PRSS35: variants seen among roughly 807,000 people sequenced by gnomAD.
The protein encoded by PRSS35 is inactive serine protease 35.
Under a neutral mutation model 8.1 loss-of-function variants are expected in PRSS35, and 7 were observed. The ratio of observed to expected loss-of-function variants is 0.86; its 90% CI spans 0.49 to 1.62. PRSS35 has a LOEUF of 1.62. Ranked by LOEUF, PRSS35 falls within the 40% of genes most tolerant of loss-of-function variation. The pLI, the probability that PRSS35 is intolerant of heterozygous loss-of-function variation, is 0.00. For missense variants in PRSS35, 566 were observed against 518.0 expected, an observed-to-expected ratio of 1.09 and a Z score of -0.90; for synonymous variants, 199 against 188.7, an observed-to-expected ratio of 1.05 and a Z score of -0.45.
At position 83,524,681 on chromosome 6, in the gene PRSS35, TAACA is replaced by T; in HGVS notation, c.1241_*2del. ...GAACGATGCCAATTGTGCTTACGGC[TAACA>T]GAGACCTGAAACAGGGCGGTGTATC... On this transcript the variant is annotated stop_retained_variant and 3_prime_UTR_variant, in exon 2 of 2. Transcript: ENST00000369700. 1 of 1,600,514 alleles carries T rather than the reference TAACA, an allele frequency of 6.2e-7. No individual in the cohort carries two copies. The highest frequency in any genetic ancestry group is 8.5e-7 in the Non-Finnish European group (1 of 1,173,796).
At chr6:83,520,086 A>G (rs1197756860) in intron 1 of PRSS35, among the ~76,000 whole-genome samples, 1 of 152,240 alleles carries the variant, frequency 6.6e-6, no homozygotes, top group African/African-American at 2.4e-5. Context: ...AATTAAAAAT[A>G]AAAATAAAAG....
Position 83,525,288 on chromosome 6 carries a change from CTG to C in PRSS35, c.*607_*608del, listed in dbSNP as rs1771918268. ...CAAGCATTATAAACAAAACTAATAA[CTG>C]TTTTACTGCTTTAAGAAATAACAAT... On this transcript the variant is annotated 3_prime_UTR_variant, in exon 2 of 2. Coordinates refer to ENST00000369700, the MANE Select transcript of PRSS35 (RefSeq NM_153362.3). 2 of 166,862 alleles carry C rather than the reference CTG, an allele frequency of 1.2e-5. No individual in the cohort carries two copies. Among genetic ancestry groups the C allele is most frequent in the Non-Finnish European group, 2.9e-5 (2 of 68,112 alleles). 10.3% of individuals were successfully genotyped at this position (166,862 alleles called of 1,614,324 possible). A position where few individuals can be genotyped will look rare whatever the true frequency, so the allele number is the denominator to read the frequency against.
intron 1 of PRSS35, among the ~76,000 whole-genome samples, 179 bp downstream of exon 1, chr6:83,512,873 G>C (rs1020719499): frequency 6.6e-6 from 1 of 152,182 alleles, no homozygotes; most frequent in Admixed American, 6.5e-5. Flanking sequence ...CTGTGTGCCG[G>C]CCTCTGCACA....
In PRSS35 at chr6:83,524,886, A is replaced by G. The variant is rs1771910340; in HGVS notation, c.*203A>G. 1 of 575,100 alleles carries G rather than the reference A, an allele frequency of 1.7e-6. No homozygotes were observed. Among genetic ancestry groups the G allele is most frequent in the African/African-American group, 1.9e-5 (1 of 52,950 alleles). The allele number at this position is 575,100 out of a possible 1,614,324, so 35.6% of individuals were successfully genotyped here. A position where few individuals can be genotyped will look rare whatever the true frequency, so the allele number is the denominator to read the frequency against. ...AAACTAGGTGGGCACTTCAATGCCA[A>G]GTATATACTCTTCTTTACATGGTGA... On this transcript the variant is annotated 3_prime_UTR_variant, in exon 2 of 2. Coordinates refer to ENST00000369700, the MANE Select transcript of PRSS35 (RefSeq NM_153362.3).
Position 83,524,578 on chromosome 6 carries a change from C to T in PRSS35, c.1137C>T (p.His379=), listed in dbSNP as rs758299078. The change falls in exon 2 of 2, where the codon CAC becomes CAT. Residue 379 remains histidine (H), a synonymous_variant. Transcript: ENST00000369700. ...VYSGHQWVDV[H]GVQKDYNVAV... is the part of the protein sequence containing the mutation. ...CAGGGCACCAGTGGGTGGATGTCCA[C>T]GGGGTTCAGAAGGACTACAACGTTG... The T allele has an allele frequency of 5.0e-6, 8 of 1,614,044 alleles. No individual in the cohort carries two copies. The highest frequency in any genetic ancestry group is 2.2e-5 in the East Asian group (1 of 44,892).
At position 83,524,527 on chromosome 6, in the gene PRSS35, G is replaced by A. The variant is rs1194485831; in HGVS notation, c.1086G>A (p.Trp362Ter). The change falls in exon 2 of 2, where the codon TGG becomes TGA. Residue 362 changes from tryptophan to a stop codon, truncating the protein, a stop_gained. Coordinates refer to ENST00000369700, the MANE Select transcript of PRSS35 (RefSeq NM_153362.3). LOFTEE classifies it high-confidence loss of function. Reference protein sequence around the residue: ...LRLKDPDKKNWKRKIIAVYSG... With the variant: ...LRLKDPDKKN ...TGAAAGATCCAGACAAAAAGAATTG[G>A]AAGCGCAAAATCATTGCGGTCTACT... 1.1e-5 allele frequency: 18 copies of A among 1,614,060 alleles called. No individual in the cohort carries two copies. In the Admixed American group the frequency reaches 3.0e-4, roughly 27 times the overall value.
chr6:83,517,310 C>T (rs1340435781), intron 1 of PRSS35, among the ~76,000 whole-genome samples: 1 of 152,144 alleles, frequency 6.6e-6, no homozygotes, highest in Non-Finnish European at 1.5e-5. Context: ...TCTTACTCCC[C>T]TTTTTTATTA....
At chr6:83,521,674 G>GT (rs956073456) in intron 1 of PRSS35, among the ~76,000 whole-genome samples, 9 of 151,512 alleles carry the variant, frequency 5.9e-5, no homozygotes, top group African/African-American at 9.7e-5. Flanking sequence ...TTTTTTAAAA[G>GT]TTTTTTTTGT....
rs1338805284 is a variant in PRSS35, at chr6:83,523,748, T to G, written c.307T>G (p.Leu103Val). 2 of 1,614,042 alleles carry G rather than the reference T, an allele frequency of 1.2e-6. No individual in the cohort carries two copies. The highest frequency in any genetic ancestry group is 3.3e-5 in the Admixed American group (2 of 59,996). Residue 103 changes from leucine to valine, a missense_variant, in exon 2 of 2, where the codon TTG (leucine) becomes GTG (valine). Transcript: ENST00000369700. ...CTTAACCAGGGTGAAAGTTCAAGAT[T>G]TGGTTCTTGAGCCGACTCAAAATAT... is the stretch of plus-strand genomic sequence containing the variant. ...RTLTRVKVQDLVLEPTQNITT... is the reference protein window; with the variant it reads ...RTLTRVKVQDVVLEPTQNITT...
At chr6:83,521,086 A>G (rs1771812595) in intron 1 of PRSS35, among the ~76,000 whole-genome samples, 1 of 152,202 alleles carries the variant, frequency 6.6e-6, no homozygotes. Context: ...AGTTTCCCAC[A>G]CCAAAACAAC....
intron 1 of PRSS35, among the ~76,000 whole-genome samples, chr6:83,519,656 T>C (rs1771786620): frequency 6.6e-6 from 1 of 152,216 alleles, no homozygotes; most frequent in African/African-American, 2.4e-5. Context: ...CTTTAAACAT[T>C]TGCCCAATTT....
Position 83,524,282 on chromosome 6 carries a change from G to A in PRSS35, c.841G>A (p.Glu281Lys). Residue 281 changes from glutamate to lysine, a missense_variant, in exon 2 of 2, where the codon GAG becomes AAG. Transcript: ENST00000369700. ...ATLDYDYALLELKRAHKKKYM... is the reference protein window; with the variant it reads ...ATLDYDYALLKLKRAHKKKYM... ...CTTGGACTATGACTATGCTCTTCTGGAGCTGAAGCGTGCTCACAAAAAGAA... is the reference window on the plus strand; with the variant it reads ...CTTGGACTATGACTATGCTCTTCTGAAGCTGAAGCGTGCTCACAAAAAGAA... 6.2e-7 allele frequency: 1 copy of A among 1,614,134 alleles called. No individual in the cohort carries two copies. The highest frequency in any genetic ancestry group is 1.1e-5 in the South Asian group (1 of 91,068).
intron 1 of PRSS35, among the ~76,000 whole-genome samples, chr6:83,514,657 C>T (rs921841209): frequency 2.6e-5 from 4 of 152,122 alleles, no homozygotes; most frequent in South Asian, 4.1e-4. Context: ...ATTTGATAAA[C>T]GTGAAATATT....
intron 1 of PRSS35, among the ~76,000 whole-genome samples, chr6:83,521,386 T>TA (rs927857129): frequency 6.6e-6 from 1 of 152,140 alleles, no homozygotes; most frequent in Admixed American, 6.6e-5. Flanking sequence ...TAAGTGGCTC[T>TA]ACTCTACAAA....
At chr6:83,515,489 TCTA>T (rs1184000671) in intron 1 of PRSS35, among the ~76,000 whole-genome samples, 14 of 85,448 alleles carry the variant, frequency 1.6e-4, no homozygotes, top group African/African-American at 6.4e-4. Flanking sequence ...AACATTCTTT[TCTA>T]CTGTTTTTGT....
In PRSS35 at chr6:83,523,723, C is replaced by T. The variant is rs752202786; in HGVS notation, c.282C>T (p.Thr94=). The change falls in exon 2 of 2, where the codon ACC becomes ACT. Residue 94 remains threonine, a synonymous_variant. Coordinates refer to ENST00000369700, the MANE Select transcript of PRSS35 (RefSeq NM_153362.3). The stretch of plus-strand genomic sequence containing the variant: ...CTGTCTTTGAGAATGGCACCCGAAC[C>T]TTAACCAGGGTGAAAGTTCAAGATT... ...YETVFENGTR[T]LTRVKVQDLV... 33 of 1,614,084 alleles carry T rather than the reference C, an allele frequency of 2.0e-5. No individual in the cohort carries two copies. The highest frequency in any genetic ancestry group is 2.7e-5 in the African/African-American group (2 of 74,924).
chr6:83,513,986 C>T (rs996368784), intron 1 of PRSS35, among the ~76,000 whole-genome samples: 4 of 152,132 alleles, frequency 2.6e-5, no homozygotes, highest in Non-Finnish European at 5.9e-5. Flanking sequence ...TACCTTAGCA[C>T]TGAGGTAACT....
intron 1 of PRSS35, among the ~76,000 whole-genome samples, chr6:83,518,831 C>A (rs768806330): frequency 3.9e-5 from 6 of 152,116 alleles, no homozygotes; most frequent in African/African-American, 7.2e-5. Flanking sequence ...TAATTCTTTG[C>A]GTGTATCATC....
At chr6:83,518,785 A>G (rs930970647) in intron 1 of PRSS35, among the ~76,000 whole-genome samples, 1 of 152,214 alleles carries the variant, frequency 6.6e-6, no homozygotes, top group Admixed American at 6.5e-5. Context: ...ATAAAATAAC[A>G]TGTGTTAACT....
Sources: gnomAD v4.1 joint callset for allele counts (sites outside exome capture counted in the v4.1 genomes callset) on GRCh38, gnomAD v4.1.1 for gene constraint, MANE v1.5 for transcripts, NCBI Gene and HGNC (gene_info 2026-07-23, HGNC 2026-07-21) for gene names.